The following CNIH3 variants were observed in gnomAD, a reference collection of about 807,000 sequenced individuals.
CNIH3 encodes the protein cornichon family AMPA receptor auxiliary protein 3.
A neutral mutation model predicts 24.1 loss-of-function variants in CNIH3; 14 were observed. The observed-to-expected ratio is 0.58, with a 90% CI of 0.38 to 0.91. The LOEUF (loss-of-function observed/expected upper bound fraction) is 0.91, where lower values mean the gene tolerates loss of function less well. CNIH3 is among the 40% of genes least tolerant of loss of function. CNIH3 has a pLI of 0.00. For missense variants in CNIH3, 178 were observed against 196.8 expected, an observed-to-expected ratio of 0.90 and a Z score of 0.57; for synonymous variants, 68 against 73.8, an observed-to-expected ratio of 0.92 and a Z score of 0.40.
intron 5 of CNIH3, among the ~76,000 whole-genome samples, chr1:224,735,811 C>T (rs913425623): frequency 4.6e-5 from 7 of 151,584 alleles, no homozygotes; most frequent in Non-Finnish European, 7.4e-5. Flanking sequence ...TCACCATGCC[C>T]GGCTATATTT....
intron 1 of CNIH3, among the ~76,000 whole-genome samples, chr1:224,505,165 A>G (rs1381913555): frequency 6.6e-6 from 1 of 151,682 alleles, no homozygotes; most frequent in African/African-American, 2.4e-5. Flanking sequence ...AAAATTAGCC[A>G]GGTATGGTAG....
chr1:224,613,278 G>A (rs1682785303), upstream of CNIH3, among the ~76,000 whole-genome samples: 1 of 152,162 alleles, frequency 6.6e-6, no homozygotes, highest in East Asian at 1.9e-4. Context: ...TGAGATTACA[G>A]GCATGAGCCA....
intron 3 of CNIH3, among the ~76,000 whole-genome samples, chr1:224,709,598 A>T (rs1688020554): frequency 6.6e-6 from 1 of 152,152 alleles, no homozygotes. Context: ...ACATAAACCT[A>T]CCACATGCTT....
intron 2 of CNIH3, among the ~76,000 whole-genome samples, chr1:224,530,490 G>A (rs944173269): frequency 1.3e-5 from 2 of 152,126 alleles, no homozygotes; most frequent in Non-Finnish European, 2.9e-5. Flanking sequence ...GTGAAGTGGG[G>A]ATTAGTATCC....
intron 1 of CNIH3, among the ~76,000 whole-genome samples, chr1:224,667,680 G>C (rs1212034256): frequency 6.6e-6 from 1 of 151,950 alleles, no homozygotes; most frequent in African/African-American, 2.4e-5. Context: ...GGGGATGTGG[G>C]ACAGAGAATC....
chr1:224,675,492 A>G (rs1686093044), intron 1 of CNIH3, among the ~76,000 whole-genome samples: 1 of 152,212 alleles, frequency 6.6e-6, no homozygotes, highest in African/African-American at 2.4e-5. Context: ...GAAATGAAAA[A>G]TTTTTGCTCT....
chr1:224,479,449 C>T (rs562188074), intron 1 of CNIH3, among the ~76,000 whole-genome samples: 10 of 152,280 alleles, frequency 6.6e-5, no homozygotes, highest in South Asian at 2.1e-4. Flanking sequence ...CCACTGCGCC[C>T]GGCAGTCCCC....
chr1:224,486,326 T>G (rs1677029463), intron 1 of CNIH3, among the ~76,000 whole-genome samples: 1 of 151,956 alleles, frequency 6.6e-6, no homozygotes, highest in Non-Finnish European at 1.5e-5. Context: ...TTACCCAGGC[T>G]GTTCTCAAAC....
chr1:224,439,196 A>G (rs994325339), intron 1 of CNIH3, among the ~76,000 whole-genome samples: 1 of 152,168 alleles, frequency 6.6e-6, no homozygotes, highest in Non-Finnish European at 1.5e-5. Context: ...TTCTGCAAAC[A>G]TTCCATTCAT....
At chr1:224,651,001 G>A (rs1684832224) in intron 1 of CNIH3, among the ~76,000 whole-genome samples, 1 of 152,136 alleles carries the variant, frequency 6.6e-6, no homozygotes, top group Admixed American at 6.5e-5. Flanking sequence ...TTCACATGGG[G>A]AGGCTCAGTT....
At chr1:224,538,664 T>TC (rs1491587453), downstream of CNIH3, among the ~76,000 whole-genome samples, 2,156 of 126,972 alleles carry the variant, frequency 0.017, 47 homozygotes, top group African/African-American at 0.074. Flanking sequence ...TCTCTCTCTC[T>TC]TTTTTTTTTT....
chr1:224,556,659 C>T (rs922931134), intron 3 of CNIH3, among the ~76,000 whole-genome samples: 6 of 152,200 alleles, frequency 3.9e-5, no homozygotes, highest in South Asian at 2.1e-4. Context: ...CCCTTGCATG[C>T]GCAGTTCACG....
At chr1:224,617,986 C>G (rs1683103058) in intron 1 of CNIH3, among the ~76,000 whole-genome samples, 1 of 152,224 alleles carries the variant, frequency 6.6e-6, no homozygotes, top group Non-Finnish European at 1.5e-5. Context: ...GCTAGGCCCC[C>G]AGCGTCCCCA....
intron 3 of CNIH3, among the ~76,000 whole-genome samples, chr1:224,722,224 C>T (rs568588246): frequency 1.2e-4 from 18 of 152,184 alleles, no homozygotes; most frequent in South Asian, 6.2e-4. Context: ...TGTTATGGCC[C>T]GGTGACCCTT....
At chr1:224,618,751 A>C (rs1683149144) in intron 1 of CNIH3, among the ~76,000 whole-genome samples, 1 of 152,236 alleles carries the variant, frequency 6.6e-6, no homozygotes, top group Non-Finnish European at 1.5e-5. Context: ...CAGGGAATCC[A>C]AACATAGATA....
intron 2 of CNIH3, among the ~76,000 whole-genome samples, chr1:224,682,482 A>G (rs1686450201): frequency 6.6e-6 from 1 of 152,222 alleles, no homozygotes; most frequent in South Asian, 2.1e-4. Flanking sequence ...AATAGAGACG[A>G]ACTCTTTCAA....
chr1:224,606,501 GTCACT>G (rs1418175944), intron 3 of CNIH3, among the ~76,000 whole-genome samples: 4 of 152,110 alleles, frequency 2.6e-5, no homozygotes, highest in African/African-American at 4.8e-5. Flanking sequence ...TTGACGTTCA[GTCACT>G]TCTCTTCTCT....
intron 1 of CNIH3, among the ~76,000 whole-genome samples, chr1:224,676,681 C>G (rs934992641): frequency 1.3e-5 from 2 of 152,164 alleles, no homozygotes; most frequent in Non-Finnish European, 2.9e-5. Flanking sequence ...ACTGTCTGGC[C>G]GTTCATCTGC....
chr1:224,556,002 G>C (rs1340939003), intron 3 of CNIH3, among the ~76,000 whole-genome samples: 2 of 152,186 alleles, frequency 1.3e-5, no homozygotes, highest in African/African-American at 4.8e-5. Context: ...TTTACAGGCG[G>C]AGCTGAGTGA....
Sources: allele counts gnomAD v4.1 joint callset (sites outside exome capture counted in the v4.1 genomes callset), GRCh38; gene constraint gnomAD v4.1.1; transcripts MANE v1.5; gene names NCBI Gene and HGNC (gene_info 2026-07-23, HGNC 2026-07-21).